The following DMRT1 variants were observed in gnomAD, a reference collection of about 807,000 sequenced individuals.
DMRT1 encodes doublesex and mab-3 related transcription factor 1.
In DMRT1, 7 loss-of-function variants were observed where a neutral mutation model predicts 32.3. The observed-to-expected ratio is 0.22, with a 90% CI of 0.12 to 0.41. The LOEUF is 0.41. Ranked by LOEUF, DMRT1 falls within the 10% of genes least tolerant of loss-of-function variation. The probability of loss-of-function intolerance (pLI) is 1.00; values close to 1 mark genes in which losing one functional copy is unlikely to be tolerated. For synonymous variants in DMRT1, 278 were observed against 206.1 expected, an observed-to-expected ratio of 1.35 and a Z score of -2.99; for missense variants, 625 against 500.5, an observed-to-expected ratio of 1.25 and a Z score of -2.37.
At chr9:885,476 C>T (rs186088074) in intron 2 of DMRT1, among the ~76,000 whole-genome samples, 1 of 152,200 alleles carries the variant, frequency 6.6e-6, no homozygotes, top group East Asian at 1.9e-4. Flanking sequence ...TCTTCTCCTA[C>T]TTCCCCAACC....
At chr9:902,023 C>T (rs1026817039) in intron 3 of DMRT1, among the ~76,000 whole-genome samples, 1 of 150,874 alleles carries the variant, frequency 6.6e-6, no homozygotes, top group African/African-American at 2.4e-5. Flanking sequence ...GGTTCTCCTG[C>T]CTCAGCGTCC....
rs1267415624 is a variant in DMRT1 at position 965,323 on chromosome 9, A to G, written c.968-2662A>G. Among the ~76,000 whole-genome samples the G allele has an allele frequency of 1.3e-5, 2 of 152,336 alleles. No individual in the cohort carries two copies. Among genetic ancestry groups the G allele is most frequent in the East Asian group, 1.9e-4 (1 of 5,184 alleles). ...ATGGGTTTAAATTTTGAGTGGAGAA[A>G]CACTATAAACAATACGGCTGTTTTT... On this transcript the variant is annotated intron_variant, in intron 4 of 4. Transcript: ENST00000382276. The surrounding 1 kb of genome is among the most constrained non-coding windows in gnomAD (Gnocchi z 4.5).
intron 2 of DMRT1, among the ~76,000 whole-genome samples, chr9:851,377 T>C (rs1456255211): frequency 1.3e-5 from 2 of 152,056 alleles, no homozygotes; most frequent in Non-Finnish European, 2.9e-5. Context: ...TAGCTGAGAT[T>C]ACAGGCGTGC....
rs1268034027 is a variant in DMRT1, at chr9:868,990, G to A, written c.538+21847G>A. ...CGTGCCACCTCACTCCAGCCTGGGT[G>A]ACAGAGTGAGACACTATCTGAAAAA... is the stretch of plus-strand genomic sequence containing the variant. On this transcript the variant is annotated intron_variant, in intron 2 of 4. Coordinates refer to ENST00000382276, the MANE Select transcript of DMRT1 (RefSeq NM_021951.3). 2.0e-5 allele frequency among the ~76,000 whole-genome samples: 3 copies of A among 152,150 alleles called. No homozygotes were observed. The East Asian group carries it at 5.8e-4, about 29-fold the overall frequency.
At chr9:931,261 A>C (rs930447474) in intron 4 of DMRT1, among the ~76,000 whole-genome samples, 35 of 152,242 alleles carry the variant, frequency 2.3e-4, no homozygotes, top group Non-Finnish European at 4.8e-4. Context: ...TTAGTTCAAA[A>C]ACTATTAGAG....
At chr9:885,961 A>G (rs1480146896) in intron 2 of DMRT1, among the ~76,000 whole-genome samples, 2 of 152,192 alleles carry the variant, frequency 1.3e-5, no homozygotes, top group East Asian at 3.8e-4. Context: ...TCTTGAAAAC[A>G]ATGCTGCTAG....
At chr9:885,295 G>C (rs540274434) in intron 2 of DMRT1, among the ~76,000 whole-genome samples, 155 of 152,330 alleles carry the variant, frequency 1.0e-3, no homozygotes, top group African/African-American at 3.6e-3. Context: ...TGCAAGGATA[G>C]AGGGCTTTCT....
chr9:862,105 CTG>C (rs1564204359), intron 2 of DMRT1, among the ~76,000 whole-genome samples: 1 of 133,254 alleles, frequency 7.5e-6, no homozygotes, highest in South Asian at 2.4e-4. Flanking sequence ...GGGGTGGCGG[CTG>C]GGCAGAGGCT....
chr9:848,028 C>T (rs943105153), intron 2 of DMRT1, among the ~76,000 whole-genome samples: 16 of 152,188 alleles, frequency 1.1e-4, no homozygotes, highest in African/African-American at 3.1e-4. Flanking sequence ...CAAATAAAGA[C>T]CTGTGGAATC....
chr9:919,667 C>G (rs1175434912), intron 4 of DMRT1, among the ~76,000 whole-genome samples: 1 of 152,014 alleles, frequency 6.6e-6, no homozygotes, highest in Non-Finnish European at 1.5e-5. Flanking sequence ...ATTTGTCTGT[C>G]TTGTGCTTTT....
chr9:845,772 C>A, intron 1 of DMRT1, among the ~76,000 whole-genome samples: 1 of 47,292 alleles, frequency 2.1e-5, no homozygotes. Context: ...CTAAGCAGAC[C>A]CTGCCTGCCT....
intron 2 of DMRT1, among the ~76,000 whole-genome samples, chr9:880,893 A>T (rs2132629131): frequency 6.6e-6 from 1 of 152,222 alleles, no homozygotes; most frequent in African/African-American, 2.4e-5. Flanking sequence ...AATACTTCTG[A>T]CCTCTTGGGC....
chr9:867,069 T>A (rs1446396148), intron 2 of DMRT1, among the ~76,000 whole-genome samples: 1 of 151,884 alleles, frequency 6.6e-6, no homozygotes, highest in East Asian at 1.9e-4. Context: ...AGAAGGAGAA[T>A]AACAGTCTAT....
At chr9:883,499 C>G (rs760944146) in intron 2 of DMRT1, among the ~76,000 whole-genome samples, 8 of 151,868 alleles carry the variant, frequency 5.3e-5, no homozygotes, top group Non-Finnish European at 8.8e-5. Context: ...CCCCCGACCC[C>G]CAAAAGGAGA....
chr9:848,390 C>G (rs1838994299), intron 2 of DMRT1, among the ~76,000 whole-genome samples: 1 of 152,072 alleles, frequency 6.6e-6, no homozygotes, highest in East Asian at 1.9e-4. Flanking sequence ...AAGTTAAGCA[C>G]CAAAGAAAGC....
chr9:844,380 A>G (rs538566876), intron 1 of DMRT1, among the ~76,000 whole-genome samples: 3 of 152,262 alleles, frequency 2.0e-5, no homozygotes, highest in Admixed American at 2.0e-4. Flanking sequence ...CTTTTTATAT[A>G]ATATTTTCTA....
intron 2 of DMRT1, among the ~76,000 whole-genome samples, chr9:858,964 TCAC>T (rs1815532225): frequency 6.6e-6 from 1 of 151,886 alleles, no homozygotes; most frequent in South Asian, 2.1e-4. Context: ...TGTGCAACTG[TCAC>T]CACCATCCAT....
At chr9:956,486 C>A (rs1013099228) in intron 4 of DMRT1, among the ~76,000 whole-genome samples, 1 of 151,648 alleles carries the variant, frequency 6.6e-6, no homozygotes, top group African/African-American at 2.4e-5. Context: ...ATCACCTGAG[C>A]CCAGAAGTTT....
Position 847,026 on chromosome 9 carries a change from A to C in DMRT1, c.421A>C (p.Ser141Arg). 6.2e-7 allele frequency: 1 copy of C among 1,614,138 alleles called. No individual in the cohort carries two copies. The highest frequency in any genetic ancestry group is 2.2e-5 in the East Asian group (1 of 44,860). The change falls in exon 2 of 5, where the codon AGT becomes CGT. Residue 141 changes from serine (S) to arginine (R), a missense_variant. By Grantham distance (110) the Ser-to-Arg change is moderately radical. This residue lies in a region of DMRT1 where 416 missense variants were observed against 321.6 expected (regional missense o/e 1.29). Coordinates refer to ENST00000382276, the MANE Select transcript of DMRT1 (RefSeq NM_021951.3). ...LGISHPIPLP[S>R]AAELLVKREN... Reference sequence around the variant, plus strand: ...TATCAGCCACCCCATCCCACTGCCCAGTGCGGCCGAGCTGCTTGTCAAAAG... The same window carrying C: ...TATCAGCCACCCCATCCCACTGCCCCGTGCGGCCGAGCTGCTTGTCAAAAG...
Sources: allele counts gnomAD v4.1 joint callset (sites outside exome capture counted in the v4.1 genomes callset), GRCh38; gene constraint gnomAD v4.1.1; regional missense constraint gnomAD v4.1.1; non-coding constraint Gnocchi (gnomAD v3.1); transcripts MANE v1.5; gene names NCBI Gene and HGNC (gene_info 2026-07-23, HGNC 2026-07-21).